FIGN: variants seen among roughly 807,000 people sequenced by gnomAD.
FIGN encodes fidgetin.
FIGN carries 11 observed loss-of-function variants against 51.3 expected under a neutral mutation model. The observed-to-expected ratio is 0.21, with a 90% CI of 0.13 to 0.35. The LOEUF (loss-of-function observed/expected upper bound fraction) is 0.35, where lower values mean the gene tolerates loss of function less well. Ranked by LOEUF, FIGN falls within the 10% of genes least tolerant of loss-of-function variation. The probability of loss-of-function intolerance (pLI) is 1.00; values close to 1 mark genes in which losing one functional copy is unlikely to be tolerated. For synonymous variants in FIGN, 407 were observed against 363.2 expected, an observed-to-expected ratio of 1.12 and a Z score of -1.37; for missense variants, 857 against 943.6, an observed-to-expected ratio of 0.91 and a Z score of 1.20.
Position 163,685,834 on chromosome 2 carries a change from A to T in FIGN, c.25+49069T>A, listed in dbSNP as rs999452189. ...CTTTCATTATGGATATTGAAAGAGA[A>T]CTTCACTTTCTCAGCAATGGGTTTC... On this transcript the variant is annotated intron_variant, in intron 2 of 2. Transcript: ENST00000333129. 1.3e-5 allele frequency among the ~76,000 whole-genome samples: 2 copies of T among 152,230 alleles called. 1 individual carries two copies. The highest frequency in any genetic ancestry group is 3.9e-4 in the East Asian group (2 of 5,190).
chr2:163,695,148 C>G (rs1477697857), intron 2 of FIGN, among the ~76,000 whole-genome samples: 3 of 152,220 alleles, frequency 2.0e-5, no homozygotes, highest in Non-Finnish European at 4.4e-5. Context: ...ACTATCACCA[C>G]AGTCACTCTT....
chr2:163,621,869 C>G (rs939733267), intron 2 of FIGN, among the ~76,000 whole-genome samples: 5 of 152,052 alleles, frequency 3.3e-5, no homozygotes, highest in Non-Finnish European at 7.3e-5. Flanking sequence ...GGAGAGGGTG[C>G]CCAACAACCT....
At chr2:163,653,834 T>A (rs1454743559) in intron 2 of FIGN, among the ~76,000 whole-genome samples, 1 of 152,158 alleles carries the variant, frequency 6.6e-6, no homozygotes, top group African/African-American at 2.4e-5. Flanking sequence ...AAAAAACTTT[T>A]AATTTTAGGT....
intron 2 of FIGN, among the ~76,000 whole-genome samples, chr2:163,674,994 T>A (rs921943576): frequency 6.6e-6 from 1 of 152,200 alleles, no homozygotes; most frequent in Non-Finnish European, 1.5e-5. Flanking sequence ...TATGACCCTT[T>A]AGGAATACTT....
chr2:163,640,782 G>C (rs955432641), intron 2 of FIGN, among the ~76,000 whole-genome samples: 2 of 152,098 alleles, frequency 1.3e-5, no homozygotes, highest in African/African-American at 4.8e-5. Context: ...TTATACTAAA[G>C]ACAAAAGGCC....
At chr2:163,662,338 T>A (rs1368152660) in intron 2 of FIGN, among the ~76,000 whole-genome samples, 3 of 152,150 alleles carry the variant, frequency 2.0e-5, no homozygotes, top group Non-Finnish European at 2.9e-5. Flanking sequence ...AGCAAAGCAT[T>A]CAGAAGGTGA....
chr2:163,645,005 T>C (rs1683360543), intron 2 of FIGN, among the ~76,000 whole-genome samples: 1 of 152,184 alleles, frequency 6.6e-6, no homozygotes, highest in South Asian at 2.1e-4. Context: ...TAAAGCTGAC[T>C]ATGGTGATGG....
At chr2:163,684,333 A>G (rs1440431379) in intron 2 of FIGN, among the ~76,000 whole-genome samples, 1 of 152,234 alleles carries the variant, frequency 6.6e-6, no homozygotes, top group Non-Finnish European at 1.5e-5. Flanking sequence ...ATTTTAAGTC[A>G]CAGCAGTCCC....
In FIGN at chr2:163,612,548, T is replaced by G. The variant is rs578229367; in HGVS notation, c.26-742A>C. ...CCTACAACTCGGTATGAATTACAAC[T>G]GGCTCCTTTCTGCCTCTCAGTTCTG... On this transcript the variant is annotated intron_variant, in intron 2 of 2. Transcript: ENST00000333129. The G allele has an allele frequency of 8.1e-6, 8 of 985,100 alleles. No individual in the cohort carries two copies. The African/African-American group carries it at 1.2e-4, about 15-fold the overall frequency. 61.0% of individuals were successfully genotyped at this position (985,100 alleles called of 1,614,324 possible).
rs757430399 is a variant in FIGN at position 163,611,133 on chromosome 2, G to A, written c.699C>T (p.Val233=). The A allele has an allele frequency of 1.9e-6, 3 of 1,614,160 alleles. No individual in the cohort carries two copies. The South Asian group carries it at 3.3e-5, about 18-fold the overall frequency. ...GGTTAGAAGTCCCATTGTAGCCTGG[G>A]ACCAAGGCTGGTGGCGGAGGAGGTG... ...PPPPPPPPAL[V]PGYNGTSNLS... Residue 233 remains valine (V), a synonymous_variant, in exon 3 of 3, where the codon GTC becomes GTT. Transcript: ENST00000333129.
intron 2 of FIGN, among the ~76,000 whole-genome samples, chr2:163,656,882 T>C (rs1475744125): frequency 6.6e-6 from 1 of 151,962 alleles, no homozygotes; most frequent in Non-Finnish European, 1.5e-5. Flanking sequence ...CCAGGAAAAA[T>C]TTAAAATGTA....
chr2:163,627,660 A>G (rs1450039914), intron 2 of FIGN, among the ~76,000 whole-genome samples: 3 of 152,090 alleles, frequency 2.0e-5, no homozygotes, highest in African/African-American at 7.2e-5. Context: ...GACCTACAAT[A>G]CCAAGTATCA....
intron 2 of FIGN, among the ~76,000 whole-genome samples, chr2:163,682,498 T>C (rs900993111): frequency 2.0e-5 from 3 of 152,192 alleles, no homozygotes; most frequent in Non-Finnish European, 2.9e-5. Context: ...AATCTTGTTA[T>C]GGAGAAAAGA....
At chr2:163,733,364 A>C (rs1573980215) in intron 2 of FIGN, among the ~76,000 whole-genome samples, 1 of 152,340 alleles carries the variant, frequency 6.6e-6, no homozygotes, top group Admixed American at 6.5e-5. Flanking sequence ...ACATTTAAGT[A>C]TCAATACGGT....
chr2:163,623,726 C>T (rs2105306777), intron 2 of FIGN, among the ~76,000 whole-genome samples: 1 of 152,238 alleles, frequency 6.6e-6, no homozygotes, highest in East Asian at 1.9e-4. Context: ...TTTCAATCTT[C>T]TGGCCATTAT....
intron 2 of FIGN, among the ~76,000 whole-genome samples, chr2:163,696,128 C>CA (rs893560134): frequency 1.9e-4 from 29 of 150,942 alleles, no homozygotes; most frequent in East Asian, 5.8e-4. Flanking sequence ...CAAAACAAAA[C>CA]AAAAAAAACA....
chr2:163,677,680 C>CT (rs1174640526), intron 2 of FIGN, among the ~76,000 whole-genome samples: 4 of 152,100 alleles, frequency 2.6e-5, no homozygotes, highest in African/African-American at 4.8e-5. Flanking sequence ...ATTAAATTCT[C>CT]TTTTTTTATT....
intron 2 of FIGN, among the ~76,000 whole-genome samples, chr2:163,673,699 C>G (rs1185190585): frequency 6.6e-6 from 1 of 152,024 alleles, no homozygotes; most frequent in Non-Finnish European, 1.5e-5. Context: ...GGGACGGGGT[C>G]TGTTTTGTTC....
intron 2 of FIGN, among the ~76,000 whole-genome samples, chr2:163,718,740 A>T (rs113296452): frequency 0.015 from 2,220 of 152,222 alleles, 31 homozygotes; most frequent in Non-Finnish European, 0.021. Context: ...TCCCCATATC[A>T]AATAAGTGAA....
Sources: gnomAD v4.1 joint callset for allele counts (sites outside exome capture counted in the v4.1 genomes callset) on GRCh38, gnomAD v4.1.1 for gene constraint, MANE v1.5 for transcripts, NCBI Gene and HGNC (gene_info 2026-07-23, HGNC 2026-07-21) for gene names.